SCP2: variants seen among roughly 807,000 people sequenced by gnomAD.
The protein encoded by SCP2 is sterol carrier protein 2.
Under a neutral mutation model 71.4 loss-of-function variants are expected in SCP2, and 48 were observed. The ratio of observed to expected loss-of-function variants is 0.67; its 90% confidence interval spans 0.53 to 0.86. The LOEUF (loss-of-function observed/expected upper bound fraction) is 0.86. Among genes scored for constraint, SCP2 ranks in the 40% least tolerant of loss-of-function variants. The pLI, the probability that SCP2 is intolerant of heterozygous loss-of-function variation, is 0.00. For missense variants in SCP2, 560 were observed against 655.6 expected, an observed-to-expected ratio of 0.85 and a Z score of 1.59; for synonymous variants, 220 against 218.1, an observed-to-expected ratio of 1.01 and a Z score of -0.08.
At chr1:52,981,467 C>T (rs147073774) in intron 10 of SCP2, among the ~76,000 whole-genome samples, 13,381 of 149,774 alleles carry the variant, frequency 0.089, 796 homozygotes, top group Non-Finnish European at 0.13. Flanking sequence ...GACAGAGTCT[C>T]GCTTTGTCAC....
intron 11 of SCP2, among the ~76,000 whole-genome samples, chr1:52,997,415 C>T (rs1660011911): frequency 1.3e-5 from 2 of 152,268 alleles, no homozygotes; most frequent in Admixed American, 1.3e-4. Flanking sequence ...ATGATCCACC[C>T]TCCTCGGCCT....
intron 11 of SCP2, among the ~76,000 whole-genome samples, chr1:53,000,558 T>A (rs1210591726): frequency 6.6e-6 from 1 of 152,188 alleles, no homozygotes; most frequent in Non-Finnish European, 1.5e-5. Context: ...CAACATCAGT[T>A]CAGTAGTGAC....
chr1:52,966,666 A>G (rs1656985725), intron 6 of SCP2, among the ~76,000 whole-genome samples: 3 of 151,546 alleles, frequency 2.0e-5, no homozygotes, highest in Non-Finnish European at 4.4e-5. Context: ...CAGGCAGATC[A>G]CGAGGTCAGG....
intron 11 of SCP2, among the ~76,000 whole-genome samples, 156 bp downstream of exon 11, chr1:52,988,292 AG>A (rs1332736197): frequency 1.3e-5 from 2 of 152,224 alleles, no homozygotes; most frequent in Non-Finnish European, 2.9e-5. Context: ...TGTTCCATTA[AG>A]TAGAGCACAC....
intron 12 of SCP2, among the ~76,000 whole-genome samples, chr1:53,025,675 C>T (rs1431047244): frequency 6.6e-6 from 1 of 152,198 alleles, no homozygotes; most frequent in Non-Finnish European, 1.5e-5. Flanking sequence ...TCTCTATCTA[C>T]TGGCAGACTG....
chr1:53,011,963 C>T (rs1661013243), intron 11 of SCP2, among the ~76,000 whole-genome samples: 1 of 152,176 alleles, frequency 6.6e-6, no homozygotes, highest in African/African-American at 2.4e-5. Flanking sequence ...CTGGCCTTCT[C>T]CTGGCCTCCT....
At chr1:53,039,224 C>A (rs2150264012) in intron 14 of SCP2, among the ~76,000 whole-genome samples, 178 bp downstream of exon 14, 1 of 152,344 alleles carries the variant, frequency 6.6e-6, no homozygotes, top group Admixed American at 6.5e-5. Flanking sequence ...GATTTGGAGG[C>A]TCCATCACAG....
At chr1:53,008,363 T>G (rs184977250) in intron 11 of SCP2, among the ~76,000 whole-genome samples, 1 of 152,122 alleles carries the variant, frequency 6.6e-6, no homozygotes, top group Non-Finnish European at 1.5e-5. Flanking sequence ...TGATGAACAT[T>G]GATGCAAAAG....
At chr1:52,937,754 A>G (rs1653867118) in intron 1 of SCP2, among the ~76,000 whole-genome samples, 1 of 152,244 alleles carries the variant, frequency 6.6e-6, no homozygotes, top group South Asian at 2.1e-4. Flanking sequence ...CAAGCCCACA[A>G]AGTGGGGCTT....
intron 2 of SCP2, among the ~76,000 whole-genome samples, chr1:52,947,474 TTACA>T (rs1218175187): frequency 6.6e-6 from 1 of 152,184 alleles, no homozygotes; most frequent in Non-Finnish European, 1.5e-5. Context: ...TCCAGTTTAC[TTACA>T]TAATTTTTCT....
At chr1:52,992,333 A>G (rs1300499277) in intron 11 of SCP2, among the ~76,000 whole-genome samples, 5 of 152,212 alleles carry the variant, frequency 3.3e-5, no homozygotes, top group African/African-American at 9.7e-5. Context: ...AATGTATAAA[A>G]GTATATAGCA....
intron 5 of SCP2, among the ~76,000 whole-genome samples, chr1:52,957,024 C>T (rs1307651566): frequency 3.3e-5 from 5 of 151,682 alleles, no homozygotes; most frequent in African/African-American, 1.2e-4. Context: ...ATTCTCCTGC[C>T]TCAGCCTCCC....
intron 15 of SCP2, chr1:53,050,041 A>T (rs548317458): frequency 1.1e-4 from 17 of 153,204 alleles, no homozygotes; most frequent in African/African-American, 4.1e-4. Flanking sequence ...ATGTGATCTA[A>T]TCCCAGGCAG....
chr1:52,938,141 A>G (rs1653899652), intron 1 of SCP2, among the ~76,000 whole-genome samples: 1 of 152,206 alleles, frequency 6.6e-6, no homozygotes, highest in African/African-American at 2.4e-5. Flanking sequence ...TCTTGGTCTT[A>G]GCTGATTTCA....
chr1:53,029,971 C>T (rs1298545613), intron 13 of SCP2, among the ~76,000 whole-genome samples: 5 of 152,242 alleles, frequency 3.3e-5, no homozygotes, highest in African/African-American at 9.6e-5. Context: ...TCACTGCAAC[C>T]TCCACCTCCC....
At chr1:53,023,738 G>T (rs1293065995) in intron 12 of SCP2, among the ~76,000 whole-genome samples, 1 of 152,116 alleles carries the variant, frequency 6.6e-6, no homozygotes, top group Non-Finnish European at 1.5e-5. Flanking sequence ...GTGGCATTCT[G>T]TGCAACGAGG....
chr1:53,032,697 G>A lies in SCP2; in HGVS notation c.1338+4626G>A, dbSNP rs57241375. 4.7e-4 allele frequency among the ~76,000 whole-genome samples: 71 copies of A among 152,368 alleles called. No homozygotes were observed. The East Asian group carries it at 0.012, about 25-fold the overall frequency. ...AAAGACAGACTTCATCCTGTTGGCT[G>A]TGGGGAGCCACTAAGAAGTTCAAGC... On this transcript the variant is annotated intron_variant, in intron 13 of 15. Transcript: ENST00000371514.
intron 6 of SCP2, among the ~76,000 whole-genome samples, chr1:52,964,009 A>T (rs972999932): frequency 6.6e-6 from 1 of 151,986 alleles, no homozygotes; most frequent in Non-Finnish European, 1.5e-5. Context: ...TGAAATTTTC[A>T]TTTGTGCTTG....
At chr1:53,027,167 A>T (rs1002477433) in intron 12 of SCP2, among the ~76,000 whole-genome samples, 4 of 152,022 alleles carry the variant, frequency 2.6e-5, no homozygotes, top group African/African-American at 9.7e-5. Context: ...CAATCCTTCC[A>T]TCTCAGCCTC....
Sources: allele counts gnomAD v4.1 joint callset (sites outside exome capture counted in the v4.1 genomes callset), GRCh38; gene constraint gnomAD v4.1.1; transcripts MANE v1.5; gene names NCBI Gene and HGNC (gene_info 2026-07-23, HGNC 2026-07-21).